Variants in CAST observed in about 807,000 individuals in gnomAD.
CAST encodes MIR583 host.
Under a neutral mutation model 119.6 loss-of-function variants are expected in CAST, and 76 were observed. That is an observed-to-expected ratio of 0.64 (90% CI 0.53 to 0.77). CAST has a LOEUF of 0.77. Among genes scored for constraint, CAST ranks in the 30% least tolerant of loss-of-function variants. CAST has a pLI of 0.00. For synonymous variants in CAST, 319 were observed against 331.6 expected (o/e 0.96, Z 0.41); for missense variants, 953 against 946.5 (o/e 1.01, Z -0.09).
At chr5:96,012,699 A>G in the CAST span, among the ~76,000 whole-genome samples, 2 of 152,154 alleles carry the variant, frequency 1.3e-5, no homozygotes, top group Non-Finnish European at 2.9e-5. Flanking sequence ...TTGTCTAGTT[A>G]TCAACTAGAT....
the CAST span, among the ~76,000 whole-genome samples, chr5:96,436,508 A>G: frequency 1.4e-4 from 22 of 152,204 alleles, no homozygotes; most frequent in Non-Finnish European, 4.4e-5. Context: ...TCTAATTAAA[A>G]CATTTTAATG....
At chr5:96,539,099 A>G (rs930887257) in intron 1 of CAST, among the ~76,000 whole-genome samples, 4 of 152,256 alleles carry the variant, frequency 2.6e-5, no homozygotes, top group Non-Finnish European at 1.5e-5. Context: ...TCATAAAAGT[A>G]TGTATGAAGA....
the CAST span, among the ~76,000 whole-genome samples, chr5:96,134,243 C>T: frequency 2.0e-5 from 3 of 152,222 alleles, no homozygotes; most frequent in East Asian, 1.9e-4. Context: ...AAACCAAAAC[C>T]GTGTGACAAC....
intron 2 of CAST, among the ~76,000 whole-genome samples, chr5:96,683,668 A>G (rs564266632): frequency 6.6e-6 from 1 of 152,284 alleles, no homozygotes; most frequent in South Asian, 2.1e-4. Flanking sequence ...CTTTCTCTAT[A>G]AGTCTTCATA....
the CAST span, among the ~76,000 whole-genome samples, chr5:96,484,206 C>T: frequency 6.6e-6 from 1 of 152,250 alleles, no homozygotes; most frequent in African/African-American, 2.4e-5. Flanking sequence ...GCCTACTCCT[C>T]TCTTATACCC....
chr5:96,494,010 G>A, the CAST span, among the ~76,000 whole-genome samples: 144 of 152,210 alleles, frequency 9.5e-4, no homozygotes, highest in African/African-American at 3.4e-3. Context: ...CTCCAGCCTG[G>A]GCAGCAGAAC....
chr5:96,023,034 G>T, the CAST span, among the ~76,000 whole-genome samples: 1 of 152,278 alleles, frequency 6.6e-6, no homozygotes, highest in East Asian at 1.9e-4. Context: ...TACCTATGTG[G>T]TAACCATGTT....
the CAST span, among the ~76,000 whole-genome samples, chr5:96,138,003 C>T: frequency 6.6e-6 from 1 of 152,068 alleles, no homozygotes; most frequent in East Asian, 1.9e-4. Flanking sequence ...CAAAGTCCAA[C>T]TTATGAATTT....
chr5:96,574,067 T>TTTTTTC (rs1746624428), intron 1 of CAST, among the ~76,000 whole-genome samples: 1 of 3,868 alleles, frequency 2.6e-4, no homozygotes, highest in Non-Finnish European at 3.4e-4. Context: ...TTTTTTTTTT[T>TTTTTTC]TGAGACGGAG....
chr5:96,428,535 G>T, the CAST span, among the ~76,000 whole-genome samples: 30 of 152,054 alleles, frequency 2.0e-4, no homozygotes, highest in Admixed American at 2.6e-4. Flanking sequence ...TATTCAAACT[G>T]CCTCTACCTT....
intron 1 of CAST, chr5:96,663,124 G>A: frequency 1.4e-6 from 1 of 702,600 alleles, no homozygotes; most frequent in Non-Finnish European, 2.6e-6. Flanking sequence ...ATCGGAGCCA[G>A]CCGGTTGTTG....
At chr5:96,240,735 C>CTT in the CAST span, among the ~76,000 whole-genome samples, 396 of 102,412 alleles carry the variant, frequency 3.9e-3, 2 homozygotes, top group African/African-American at 8.1e-3. Context: ...AGCTAACTTT[C>CTT]TTTTTTTTTT....
At chr5:96,262,976 C>G in the CAST span, among the ~76,000 whole-genome samples, 1 of 152,172 alleles carries the variant, frequency 6.6e-6, no homozygotes, top group African/African-American at 2.4e-5. Context: ...TCTCCTTTCT[C>G]CTATGTCCTG....
intron 3 of CAST, among the ~76,000 whole-genome samples, chr5:96,704,237 T>C (rs1581036242): frequency 6.6e-6 from 1 of 152,338 alleles, no homozygotes; most frequent in Admixed American, 6.5e-5. Flanking sequence ...ATATTGGCTG[T>C]GGTTCAGTTC....
At chr5:96,410,819 T>C in the CAST span, 1 of 1,614,110 alleles carries the variant, frequency 6.2e-7, no homozygotes. Context: ...AGGTGGCCAG[T>C]GTGGAGGAGC....
chr5:96,741,695 G>C, intron 15 of CAST, 115 bp downstream of exon 15: 1 of 686,282 alleles, frequency 1.5e-6, no homozygotes, highest in East Asian at 2.7e-5. Flanking sequence ...TTCCCTCTCA[G>C]GTCTATGTGG....
intron 10 of CAST, among the ~76,000 whole-genome samples, chr5:96,736,555 A>G (rs1464386190): frequency 6.6e-6 from 1 of 152,202 alleles, no homozygotes; most frequent in Non-Finnish European, 1.5e-5. Context: ...TAAAGAAGTA[A>G]GGTACTTCTT....
chr5:96,330,374 G>T, the CAST span, among the ~76,000 whole-genome samples: 20 of 152,266 alleles, frequency 1.3e-4, no homozygotes, highest in South Asian at 6.2e-4. Flanking sequence ...AAGGGAGAAG[G>T]TTCAGTGCCC....
the CAST span, among the ~76,000 whole-genome samples, chr5:96,259,416 A>T: frequency 1.3e-5 from 2 of 152,240 alleles, no homozygotes; most frequent in Non-Finnish European, 2.9e-5. Flanking sequence ...TTTAGTATAA[A>T]CCATGACTCA....
Sources: gnomAD v4.1 joint callset for allele counts (sites outside exome capture counted in the v4.1 genomes callset) on GRCh38, gnomAD v4.1.1 for gene constraint, MANE v1.5 for transcripts, NCBI Gene and HGNC (gene_info 2026-07-23, HGNC 2026-07-21) for gene names.